The following PDE3A variants were observed in gnomAD, a reference collection of about 807,000 sequenced individuals.
PDE3A encodes the protein phosphodiesterase 3A, also known as cGMP-inhibited 3',5'-cyclic phosphodiesterase 3A.
Under a neutral mutation model 98.3 loss-of-function variants are expected in PDE3A, and 43 were observed. The observed-to-expected ratio is 0.44, with a 90% CI of 0.34 to 0.56. The LOEUF (loss-of-function observed/expected upper bound fraction) is 0.56. Ranked by LOEUF, PDE3A falls within the 20% of genes least tolerant of loss-of-function variation. The pLI is 0.01. For missense variants in PDE3A, 1,427 were observed against 1,440.7 expected (o/e 0.99, Z 0.15); for synonymous variants, 663 against 567.9 (o/e 1.17, Z -2.38).
chr12:20,437,581 G>A (rs180941354), intron 1 of PDE3A, among the ~76,000 whole-genome samples: 5 of 152,194 alleles, frequency 3.3e-5, no homozygotes, highest in Admixed American at 2.6e-4. Context: ...TGTGTCACAT[G>A]GCGAGAAAGG....
intron 1 of PDE3A, among the ~76,000 whole-genome samples, chr12:20,421,184 G>A (rs1054193522): frequency 9.2e-5 from 14 of 152,066 alleles, no homozygotes; most frequent in African/African-American, 2.2e-4. Flanking sequence ...TTAAGGCACC[G>A]TAACATATTG....
chr12:20,424,012 T>C (rs1406279414), intron 1 of PDE3A, among the ~76,000 whole-genome samples: 1 of 152,120 alleles, frequency 6.6e-6, no homozygotes, highest in Non-Finnish European at 1.5e-5. Context: ...GAAATAGCAG[T>C]GTTCGGTGAA....
rs556071408 is a variant in PDE3A, at chr12:20,388,165, G to T, written c.960+17921G>T. Among the ~76,000 whole-genome samples, 115 of 152,086 alleles carry T rather than the reference G, an allele frequency of 7.6e-4. 1 individual carries two copies. Among genetic ancestry groups the T allele is most frequent in the Non-Finnish European group, 1.2e-3 (84 of 67,966 alleles). ...GGAGACATGGAAATTGCACCTCCAG[G>T]TGCTTTTAGGAATGGTAATGTGTGA... On this transcript the variant is annotated intron_variant, in intron 1 of 15. Transcript: ENST00000359062.
chr12:20,604,963 C>A (rs936004361), intron 2 of PDE3A, among the ~76,000 whole-genome samples: 2 of 152,062 alleles, frequency 1.3e-5, no homozygotes, highest in African/African-American at 4.8e-5. Flanking sequence ...AGTTGAAAAG[C>A]CTTTAGGTGT....
intron 2 of PDE3A, among the ~76,000 whole-genome samples, chr12:20,572,951 G>A (rs1942836753): frequency 6.6e-6 from 1 of 152,046 alleles, no homozygotes; most frequent in African/African-American, 2.4e-5. Flanking sequence ...GTATTCATCA[G>A]TAACTACCAG....
At chr12:20,616,655 C>T (rs1305591885) in intron 4 of PDE3A, among the ~76,000 whole-genome samples, 2 of 151,900 alleles carry the variant, frequency 1.3e-5, no homozygotes, top group Non-Finnish European at 2.9e-5. Context: ...AAGGGTTAAG[C>T]CCAGGATAAA....
At chr12:20,661,486 C>A (rs1945169367) in intron 15 of PDE3A, among the ~76,000 whole-genome samples, 1 of 152,196 alleles carries the variant, frequency 6.6e-6, no homozygotes. Flanking sequence ...ATGGCAGCCC[C>A]TCCCATCACA....
At chr12:20,490,749 G>A (rs904906352) in intron 1 of PDE3A, among the ~76,000 whole-genome samples, 3 of 152,092 alleles carry the variant, frequency 2.0e-5, no homozygotes, top group South Asian at 2.1e-4. Flanking sequence ...GTTGGTTCTC[G>A]TCCCATTAGA....
At position 20,646,593 on chromosome 12, in the gene PDE3A, C is replaced by A; in HGVS notation, c.2355C>A (p.Thr785=). ...LSTVINDHGS[T]SDSDSDSGFT... The stretch of plus-strand genomic sequence containing the variant: ...CTGTGATTAATGATCATGGTTCAAC[C>A]AGTGATTCAGGTATGTACGAAGTGA... The change falls in exon 11 of 16, where the codon ACC becomes ACA. Residue 785 remains threonine (T), a synonymous_variant. Coordinates refer to ENST00000359062, the MANE Select transcript of PDE3A (RefSeq NM_000921.5). The A allele has an allele frequency of 1.3e-6, 2 of 1,574,360 alleles. No individual in the cohort carries two copies. The highest frequency in any genetic ancestry group is 1.3e-5 in the African/African-American group (1 of 74,098).
chr12:20,400,124 T>C (rs933273790), intron 1 of PDE3A, among the ~76,000 whole-genome samples: 2 of 151,930 alleles, frequency 1.3e-5, no homozygotes, highest in African/African-American at 4.8e-5. Context: ...CCCAAATACA[T>C]AGGAGTCCAG....
At chr12:20,544,772 A>G (rs1028374543) in intron 1 of PDE3A, among the ~76,000 whole-genome samples, 2 of 151,900 alleles carry the variant, frequency 1.3e-5, no homozygotes, top group African/African-American at 2.4e-5. Context: ...ATATGCCTCT[A>G]TGGTTTCTTG....
intron 12 of PDE3A, 102 bp from the exon 13 acceptor site, chr12:20,648,586 T>C (rs1944830517): frequency 1.3e-6 from 1 of 749,010 alleles, no homozygotes; most frequent in Non-Finnish European, 2.4e-6. Flanking sequence ...TACATTTCTT[T>C]GTTGTATGAA....
At chr12:20,656,816 G>A (rs184766590) in intron 15 of PDE3A, among the ~76,000 whole-genome samples, 326 of 152,304 alleles carry the variant, frequency 2.1e-3, no homozygotes, top group African/African-American at 7.3e-3. Context: ...CAGACGCACA[G>A]ATCCAGGCAT....
chr12:20,452,398 ATCTC>A (rs916561260), intron 1 of PDE3A, among the ~76,000 whole-genome samples: 2 of 152,074 alleles, frequency 1.3e-5, no homozygotes, highest in South Asian at 4.1e-4. Context: ...CATCTTCAAT[ATCTC>A]TCTCTCTCAT....
At chr12:20,412,924 T>G (rs1318332763) in intron 1 of PDE3A, among the ~76,000 whole-genome samples, 1 of 152,148 alleles carries the variant, frequency 6.6e-6, no homozygotes, top group African/African-American at 2.4e-5. Flanking sequence ...GAGTGCATGT[T>G]TTAAAGTCTG....
intron 2 of PDE3A, 61 bp downstream of exon 2, chr12:20,556,771 T>C (rs1942380320): frequency 4.2e-6 from 5 of 1,180,362 alleles, no homozygotes; most frequent in Middle Eastern, 1.9e-4. Context: ...GCCACGGGTT[T>C]TCTAAAACTC....
intron 1 of PDE3A, among the ~76,000 whole-genome samples, chr12:20,550,032 T>A (rs1048042323): frequency 6.6e-6 from 1 of 152,166 alleles, no homozygotes; most frequent in South Asian, 2.1e-4. Context: ...GTTAAGATAA[T>A]TAATGGCAGA....
intron 1 of PDE3A, among the ~76,000 whole-genome samples, chr12:20,503,639 C>A (rs185247075): frequency 6.6e-6 from 1 of 151,716 alleles, no homozygotes; most frequent in East Asian, 1.9e-4. Flanking sequence ...TAGAGTCAGA[C>A]GTAATAATAT....
At chr12:20,661,109 G>A (rs1182951444) in intron 15 of PDE3A, among the ~76,000 whole-genome samples, 8 of 152,176 alleles carry the variant, frequency 5.3e-5, no homozygotes, top group Non-Finnish European at 1.2e-4. Context: ...GGAACTTGTC[G>A]AGAACTGGAG....
Sources: gnomAD v4.1 joint callset for allele counts (sites outside exome capture counted in the v4.1 genomes callset) on GRCh38, gnomAD v4.1.1 for gene constraint, MANE v1.5 for transcripts, NCBI Gene and HGNC (gene_info 2026-07-23, HGNC 2026-07-21) for gene names.